The following CORO2B variants were observed in gnomAD, a reference collection of about 807,000 sequenced individuals.
The protein encoded by CORO2B is coronin-2B.
Under a neutral mutation model 58.8 loss-of-function variants are expected in CORO2B, and 26 were observed. The observed-to-expected ratio is 0.44, with a 90% CI of 0.32 to 0.61. The LOEUF is 0.61. Among genes scored for constraint, CORO2B ranks in the 20% least tolerant of loss-of-function variants. CORO2B has a pLI of 0.04. For synonymous variants in CORO2B, 242 were observed against 253.8 expected (o/e 0.95, Z 0.44); for missense variants, 460 against 645.1 (o/e 0.71, Z 3.11).
At chr15:68,597,662 A>C (rs1030781264) in intron 1 of CORO2B, among the ~76,000 whole-genome samples, 3 of 152,268 alleles carry the variant, frequency 2.0e-5, no homozygotes, top group African/African-American at 7.2e-5. Context: ...AAAATAAAAA[A>C]GACCAAACGA....
the CORO2B span, among the ~76,000 whole-genome samples, chr15:68,565,978 T>C: frequency 6.6e-6 from 1 of 152,156 alleles, no homozygotes; most frequent in Non-Finnish European, 1.5e-5. Context: ...TGCTAACGAA[T>C]TCCCGCAGCC....
rs910866770 is a variant in CORO2B at position 68,599,350 on chromosome 15, G to T, written c.15+20073G>T. On this transcript the variant is annotated intron_variant, in intron 1 of 11. Coordinates refer to ENST00000261861, the MANE Select transcript of CORO2B (RefSeq NM_006091.5). Reference sequence around the variant, plus strand: ...TGCCCTGAGTGGGAGGGAGCGTGTCGCGCCACAGATCCCATTGGGTGCTCC... The same window carrying T: ...TGCCCTGAGTGGGAGGGAGCGTGTCTCGCCACAGATCCCATTGGGTGCTCC... Among the ~76,000 whole-genome samples, 3 of 152,202 alleles carry T rather than the reference G, an allele frequency of 2.0e-5. No homozygotes were observed. In the South Asian group the frequency reaches 6.2e-4, roughly 31 times the overall value.
intron 1 of CORO2B, among the ~76,000 whole-genome samples, chr15:68,631,036 G>C (rs1245932996): frequency 6.6e-6 from 1 of 152,186 alleles, no homozygotes; most frequent in African/African-American, 2.4e-5. Flanking sequence ...CCAAGGGTGA[G>C]GGGTGTTCCC....
intron 2 of CORO2B, among the ~76,000 whole-genome samples, chr15:68,693,490 G>A (rs774731484): frequency 1.1e-4 from 17 of 152,198 alleles, no homozygotes; most frequent in Admixed American, 3.3e-4. Context: ...CAGATGGGCC[G>A]TAACTGGAGA....
chr15:68,582,991 A>G (rs1899467251), intron 1 of CORO2B, among the ~76,000 whole-genome samples: 1 of 152,162 alleles, frequency 6.6e-6, no homozygotes, highest in Non-Finnish European at 1.5e-5. Flanking sequence ...GGAGTGTGGG[A>G]AAAGAGAAGA....
chr15:68,678,328 T>C (rs1902655045), intron 2 of CORO2B, among the ~76,000 whole-genome samples: 1 of 151,978 alleles, frequency 6.6e-6, no homozygotes, highest in South Asian at 2.1e-4. Context: ...GAGCCCTTTC[T>C]CCCCTCCCTC....
intron 1 of CORO2B, among the ~76,000 whole-genome samples, chr15:68,615,249 T>A (rs914183728): frequency 6.6e-6 from 1 of 152,074 alleles, no homozygotes; most frequent in Admixed American, 6.5e-5. Flanking sequence ...AGTTAGTAAT[T>A]CCCTAGGGCA....
chr15:68,643,696 T>C (rs557742859), intron 1 of CORO2B, among the ~76,000 whole-genome samples: 24 of 152,296 alleles, frequency 1.6e-4, no homozygotes, highest in Non-Finnish European at 2.2e-4. Context: ...CTGAACTTCT[T>C]CCTTCAATAA....
chr15:68,617,982 C>T (rs1900410229), intron 1 of CORO2B, among the ~76,000 whole-genome samples: 1 of 152,172 alleles, frequency 6.6e-6, no homozygotes, highest in South Asian at 2.1e-4. Context: ...TCTACTATGT[C>T]CCAAGCTTCC....
chr15:68,523,926 A>T, the CORO2B span, among the ~76,000 whole-genome samples: 7 of 152,174 alleles, frequency 4.6e-5, no homozygotes, highest in Admixed American at 2.0e-4. Context: ...AGATATTTTT[A>T]AAAATATTTT....
At chr15:68,636,631 C>G (rs908392132) in intron 1 of CORO2B, among the ~76,000 whole-genome samples, 2 of 152,188 alleles carry the variant, frequency 1.3e-5, no homozygotes, top group African/African-American at 4.8e-5. Context: ...GGAGAACTGT[C>G]CTGGAACCCA....
At chr15:68,536,877 A>G in the CORO2B span, among the ~76,000 whole-genome samples, 1 of 152,250 alleles carries the variant, frequency 6.6e-6, no homozygotes, top group East Asian at 1.9e-4. Context: ...CCTCCTTCCT[A>G]TTGGCTGGAA....
In CORO2B at chr15:68,713,917, C is replaced by T; in HGVS notation, c.649-8C>T. The T allele has an allele frequency of 6.2e-7, 1 of 1,609,202 alleles. No homozygotes were observed. Among genetic ancestry groups the T allele is most frequent in the South Asian group, 1.1e-5 (1 of 90,962 alleles). On this transcript the variant is annotated splice_region_variant and splice_polypyrimidine_tract_variant and intron_variant, in intron 5 of 11. Transcript: ENST00000261861. ...CCCTGGCTCACCACCTCCCTCTGTT[C>T]CTACTAGGAGGCCAACTGCAAAAAC... is the stretch of plus-strand genomic sequence containing the variant.
intron 1 of CORO2B, among the ~76,000 whole-genome samples, chr15:68,629,580 A>T (rs1900771765): frequency 6.6e-6 from 1 of 152,206 alleles, no homozygotes; most frequent in Non-Finnish European, 1.5e-5. Context: ...CAAAGAGCCC[A>T]GGTGCTGGGG....
the CORO2B span, among the ~76,000 whole-genome samples, chr15:68,560,615 A>G: frequency 6.6e-6 from 1 of 152,072 alleles, no homozygotes; most frequent in Non-Finnish European, 1.5e-5. Flanking sequence ...TTCTTTCTTG[A>G]AGGGAAACAC....
intron 11 of CORO2B, 115 bp from the exon 12 acceptor site, chr15:68,725,728 G>A (rs996383211): frequency 1.2e-5 from 16 of 1,334,562 alleles, no homozygotes; most frequent in Non-Finnish European, 1.4e-5. Context: ...GCAGTGGGAG[G>A]CCTGGGGGAA....
the CORO2B span, among the ~76,000 whole-genome samples, chr15:68,564,296 A>G: frequency 6.6e-6 from 1 of 151,778 alleles, no homozygotes; most frequent in Non-Finnish European, 1.5e-5. Context: ...ATAATTTCAT[A>G]GCAGTGAAAT....
At chr15:68,560,168 A>G in the CORO2B span, among the ~76,000 whole-genome samples, 1 of 152,168 alleles carries the variant, frequency 6.6e-6, no homozygotes, top group African/African-American at 2.4e-5. Context: ...AATGTGAAAG[A>G]CAGGAGGTGC....
the CORO2B span, among the ~76,000 whole-genome samples, chr15:68,520,718 C>T: frequency 6.6e-6 from 1 of 152,118 alleles, no homozygotes; most frequent in Non-Finnish European, 1.5e-5. Context: ...TATTTAAGGA[C>T]CCTTGTAAAC....
Sources: gnomAD v4.1 joint callset for allele counts (sites outside exome capture counted in the v4.1 genomes callset) on GRCh38, gnomAD v4.1.1 for gene constraint, MANE v1.5 for transcripts, NCBI Gene and HGNC (gene_info 2026-07-23, HGNC 2026-07-21) for gene names.